Variants in PTPRQ observed in about 807,000 individuals in gnomAD.
PTPRQ encodes the protein phosphatidylinositol phosphatase PTPRQ.
In PTPRQ, 199 loss-of-function variants were observed where a neutral mutation model predicts 246.0. The ratio of observed to expected loss-of-function variants is 0.81; its 90% CI spans 0.72 to 0.91. The LOEUF is 0.91. Ranked by LOEUF, PTPRQ falls within the 40% of genes least tolerant of loss-of-function variation. The pLI, the probability that PTPRQ is intolerant of heterozygous loss-of-function variation, is 0.00. For synonymous variants in PTPRQ, 869 were observed against 853.2 expected (o/e 1.02, Z -0.32); for missense variants, 2,624 against 2,528.4 (o/e 1.04, Z -0.81).
chr12:80,477,515 T>A (rs1893852105), intron 8 of PTPRQ, among the ~76,000 whole-genome samples: 1 of 152,156 alleles, frequency 6.6e-6, no homozygotes, highest in Non-Finnish European at 1.5e-5. Flanking sequence ...GAGAACAATG[T>A]TTAGAAATTT....
intron 44 of PTPRQ, 40 bp from the exon 45 acceptor site, chr12:80,678,946 A>ACTT (rs1250684766): frequency 6.6e-7 from 1 of 1,518,674 alleles, no homozygotes; most frequent in South Asian, 1.3e-5. Flanking sequence ...TGAACTGTTA[A>ACTT]CTTCAACACT....
intron 24 of PTPRQ, among the ~76,000 whole-genome samples, chr12:80,548,183 A>G (rs1018552449): frequency 1.3e-5 from 2 of 152,160 alleles, no homozygotes; most frequent in Non-Finnish European, 2.9e-5. Flanking sequence ...CCAACATTCT[A>G]TACTCTGATT....
At chr12:80,625,715 G>T (rs1899178122) in intron 33 of PTPRQ, among the ~76,000 whole-genome samples, 2 of 152,090 alleles carry the variant, frequency 1.3e-5, no homozygotes, top group South Asian at 4.2e-4. Flanking sequence ...AAACCTTTCT[G>T]GCCTGTAGGG....
intron 38 of PTPRQ, among the ~76,000 whole-genome samples, chr12:80,656,263 T>C (rs1465606719): frequency 2.0e-5 from 3 of 152,206 alleles, no homozygotes; most frequent in African/African-American, 7.2e-5. Context: ...TATTATGTGC[T>C]TAAGTTTTAA....
At chr12:80,463,363 T>C (rs574650518) in intron 6 of PTPRQ, among the ~76,000 whole-genome samples, 8 of 152,278 alleles carry the variant, frequency 5.3e-5, no homozygotes, top group Non-Finnish European at 1.0e-4. Context: ...AATACGGGAC[T>C]ATGTGAAAAG....
At position 80,477,337 on chromosome 12, in the gene PTPRQ, CTGT is replaced by C. The variant is rs757623772; in HGVS notation, c.1186+5091_1186+5093del. 4.6e-5 allele frequency among the ~76,000 whole-genome samples: 7 copies of C among 152,262 alleles called. No individual in the cohort carries two copies. In the East Asian group the frequency reaches 5.8e-4, roughly 13 times the overall value. ...AGTCTTCTGGATATTAATTTTCAAT[CTGT>C]TGTTATAATTTTTATGAAACCATCA... On this transcript the variant is annotated intron_variant, in intron 8 of 44. Coordinates refer to ENST00000644991, the MANE Select transcript of PTPRQ (RefSeq NM_001145026.2).
chr12:80,559,501 T>C (rs1384911163), intron 25 of PTPRQ, among the ~76,000 whole-genome samples: 1 of 152,226 alleles, frequency 6.6e-6, no homozygotes, highest in Admixed American at 6.5e-5. Context: ...CTCTCCTCCA[T>C]TGAATTGCTT....
intron 25 of PTPRQ, among the ~76,000 whole-genome samples, chr12:80,566,454 G>A (rs1896982503): frequency 6.6e-6 from 1 of 152,076 alleles, no homozygotes; most frequent in South Asian, 2.1e-4. Context: ...CTCCAGCCTG[G>A]GGGACAGAGC....
At chr12:80,525,838 C>T (rs887387173) in intron 17 of PTPRQ, 7 of 152,038 alleles carry the variant, frequency 4.6e-5, no homozygotes, top group Admixed American at 2.0e-4. Context: ...TATTATAATA[C>T]GTACTTGACC....
intron 25 of PTPRQ, among the ~76,000 whole-genome samples, chr12:80,576,697 T>G (rs1592676088): frequency 6.6e-6 from 1 of 152,238 alleles, no homozygotes; most frequent in Non-Finnish European, 1.5e-5. Flanking sequence ...ACTATTGATA[T>G]AGACTCAATT....
chr12:80,655,571 GTCTC>G (rs146087588), intron 38 of PTPRQ, among the ~76,000 whole-genome samples: 3 of 146,918 alleles, frequency 2.0e-5, no homozygotes, highest in Non-Finnish European at 3.0e-5. Flanking sequence ...GGTTCTCTCT[GTCTC>G]TCTCTCTCTC....
chr12:80,445,429 G>T (rs1892521860), intron 2 of PTPRQ, 62 bp from the exon 3 acceptor site: 19 of 1,015,058 alleles, frequency 1.9e-5, no homozygotes, highest in Non-Finnish European at 2.4e-5. Flanking sequence ...CTGTTATTAT[G>T]TATTTTTGTG....
At chr12:80,598,578 G>T (rs1430057649) in intron 26 of PTPRQ, among the ~76,000 whole-genome samples, 2 of 151,914 alleles carry the variant, frequency 1.3e-5, no homozygotes, top group Admixed American at 1.3e-4. Flanking sequence ...CTGAGTCAAA[G>T]TCGACTTGTA....
intron 26 of PTPRQ, among the ~76,000 whole-genome samples, chr12:80,595,213 C>A (rs1279824513): frequency 6.6e-6 from 1 of 152,106 alleles, no homozygotes; most frequent in Non-Finnish European, 1.5e-5. Flanking sequence ...AACAAGTGAG[C>A]ATATTACATC....
At chr12:80,571,421 A>G (rs1897143828) in intron 25 of PTPRQ, among the ~76,000 whole-genome samples, 1 of 152,244 alleles carries the variant, frequency 6.6e-6, no homozygotes, top group South Asian at 2.1e-4. Flanking sequence ...TACAGGTGTG[A>G]GCCACCACAC....
chr12:80,644,816 G>T (rs1900010829), intron 35 of PTPRQ, among the ~76,000 whole-genome samples: 1 of 151,950 alleles, frequency 6.6e-6, no homozygotes, highest in Admixed American at 6.6e-5. Context: ...ACACCTAAGG[G>T]AGAAATACAC....
At chr12:80,615,910 C>A (rs1191585468) in intron 29 of PTPRQ, among the ~76,000 whole-genome samples, 1 of 150,876 alleles carries the variant, frequency 6.6e-6, no homozygotes, top group Non-Finnish European at 1.5e-5. Context: ...TTAGATCACT[C>A]AGCCTTTGTT....
chr12:80,557,279 T>G (rs1896672216), intron 25 of PTPRQ, among the ~76,000 whole-genome samples: 1 of 152,040 alleles, frequency 6.6e-6, no homozygotes, highest in African/African-American at 2.4e-5. Flanking sequence ...AATTTGCCCT[T>G]GAACGTCCTT....
intron 14 of PTPRQ, among the ~76,000 whole-genome samples, chr12:80,499,252 G>A (rs1218239615): frequency 6.6e-6 from 1 of 152,006 alleles, no homozygotes; most frequent in African/African-American, 2.4e-5. Flanking sequence ...AACAATCAGA[G>A]TATAGGGTTT....
Sources: gnomAD v4.1 joint callset for allele counts (sites outside exome capture counted in the v4.1 genomes callset) on GRCh38, gnomAD v4.1.1 for gene constraint, MANE v1.5 for transcripts, NCBI Gene and HGNC (gene_info 2026-07-23, HGNC 2026-07-21) for gene names.